Variants in KIRREL3 observed in about 807,000 individuals in gnomAD.
The protein encoded by KIRREL3 is kin of IRRE-like protein 3.
In KIRREL3, 36 loss-of-function variants were observed where a neutral mutation model predicts 89.7. The observed-to-expected ratio is 0.40, with a 90% CI of 0.31 to 0.53. The LOEUF (loss-of-function observed/expected upper bound fraction) is 0.53. Among genes scored for constraint, KIRREL3 ranks in the 20% least tolerant of loss-of-function variants. KIRREL3 has a pLI of 0.49. For synonymous variants in KIRREL3, 445 were observed against 441.4 expected (o/e 1.01, Z -0.10); for missense variants, 864 against 1,056.6 (o/e 0.82, Z 2.53).
Position 126,684,542 on chromosome 11 carries a change from G to A in KIRREL3, c.56-121630C>T, listed in dbSNP as rs1370761875. 1.3e-5 allele frequency among the ~76,000 whole-genome samples: 2 copies of A among 152,188 alleles called. No homozygotes were observed. The highest frequency in any genetic ancestry group is 1.9e-4 in the East Asian group (1 of 5,188). ...TGCTATGATTTCATCTGGCCGATGT[G>A]TCACTTCAGTATTCTGATGAATTTA... On this transcript the variant is annotated intron_variant, in intron 1 of 16. Coordinates refer to ENST00000525144, the MANE Select transcript of KIRREL3 (RefSeq NM_032531.4). This position sits in a 1 kb window ranked among gnomAD's most constrained non-coding sequence, Gnocchi z 4.2.
intron 7 of KIRREL3, among the ~76,000 whole-genome samples, chr11:126,451,349 T>A (rs111200437): frequency 1.2e-3 from 81 of 65,710 alleles, no homozygotes; most frequent in South Asian, 3.0e-3. Context: ...TGCATGTGTG[T>A]GCGTATGTGA....
rs1947101265 is a variant in KIRREL3 at position 126,696,477 on chromosome 11, C to T, written c.56-133565G>A. ...AGATACCACATGCAGCCTGCAAACT[C>T]CCACAGCTGTACGCAGGCATGTGGC... is the stretch of plus-strand genomic sequence containing the variant. On this transcript the variant is annotated intron_variant, in intron 1 of 16. Transcript: ENST00000525144. The surrounding 1 kb of genome is among the most constrained non-coding windows in gnomAD (Gnocchi z 4.4). Among the ~76,000 whole-genome samples the T allele has an allele frequency of 6.6e-6, 1 of 152,164 alleles. No homozygotes were observed. Among genetic ancestry groups the T allele is most frequent in the Admixed American group, 6.6e-5 (1 of 15,266 alleles).
chr11:126,436,535 G>T (rs896385420), intron 12 of KIRREL3, among the ~76,000 whole-genome samples: 1 of 152,246 alleles, frequency 6.6e-6, no homozygotes, highest in Non-Finnish European at 1.5e-5. Context: ...CACTGTTGTG[G>T]TCACCTCCCA....
At position 126,896,720 on chromosome 11, in the gene KIRREL3, G is replaced by T. The variant is rs1443515959; in HGVS notation, c.55+103735C>A. Among the ~76,000 whole-genome samples the T allele has an allele frequency of 6.6e-6, 1 of 152,056 alleles. No individual in the cohort carries two copies. The highest frequency in any genetic ancestry group is 1.5e-5 in the Non-Finnish European group (1 of 68,020). ...AGACACCCAGGGGAGGGGTTCCATG[G>T]CCACAGCAAGCTCTCTGGCAGCCTC... On this transcript the variant is annotated intron_variant, in intron 1 of 16. Coordinates refer to ENST00000525144, the MANE Select transcript of KIRREL3 (RefSeq NM_032531.4). The surrounding 1 kb of genome is among the most constrained non-coding windows in gnomAD (Gnocchi z 4.1).
intron 1 of KIRREL3, among the ~76,000 whole-genome samples, chr11:126,964,489 C>T (rs969794912): frequency 5.3e-5 from 8 of 152,098 alleles, no homozygotes; most frequent in African/African-American, 2.4e-5. Flanking sequence ...CCTCCTAGAA[C>T]CCCTCCTCCA....
chr11:126,613,778 C>T (rs1943225831), intron 1 of KIRREL3, among the ~76,000 whole-genome samples: 2 of 151,690 alleles, frequency 1.3e-5, no homozygotes, highest in South Asian at 4.2e-4. Flanking sequence ...AAAGTAGCTC[C>T]ATCACATTGG....
At chr11:126,759,064 T>C (rs1434551726) in intron 1 of KIRREL3, among the ~76,000 whole-genome samples, 1 of 152,200 alleles carries the variant, frequency 6.6e-6, no homozygotes, top group Non-Finnish European at 1.5e-5. Context: ...CATTTGACCC[T>C]TCTGCATACA....
intron 1 of KIRREL3, among the ~76,000 whole-genome samples, chr11:126,934,344 A>T (rs1948085882): frequency 6.6e-6 from 1 of 152,230 alleles, no homozygotes; most frequent in South Asian, 2.1e-4. Flanking sequence ...TGTAGAAGCT[A>T]AAACTACAAA....
chr11:126,970,917 G>T lies in KIRREL3; in HGVS notation c.55+29538C>A, dbSNP rs1949410583. On this transcript the variant is annotated intron_variant, in intron 1 of 16. Transcript: ENST00000525144. This position sits in a 1 kb window ranked among gnomAD's most constrained non-coding sequence, Gnocchi z 4.4. ...GGAGAACCACAAACAGAAGCACATG[G>T]CGGTGCTATGGCTTCTCCCCCACCC... Among the ~76,000 whole-genome samples, 1 of 152,180 alleles carries T rather than the reference G, an allele frequency of 6.6e-6. No homozygotes were observed. Among genetic ancestry groups the T allele is most frequent in the Non-Finnish European group, 1.5e-5 (1 of 68,028 alleles).
chr11:126,889,426 T>C (rs946860642), intron 1 of KIRREL3, among the ~76,000 whole-genome samples: 33 of 152,332 alleles, frequency 2.2e-4, no homozygotes, highest in African/African-American at 7.5e-4. Context: ...TGCTGAGGAA[T>C]ATCCCATTGT....
In KIRREL3 at chr11:126,424,006, A is replaced by C. The variant is rs994799514; in HGVS notation, c.*574T>G. ...ACAAATTGGGGGTGGGCTCCCGGCC[A>C]GCCTGGTGAGAGAGAGGCTCCTTTA... On this transcript the variant is annotated 3_prime_UTR_variant, in exon 17 of 17. Transcript: ENST00000525144. 3 of 158,322 alleles carry C rather than the reference A, an allele frequency of 1.9e-5. No homozygotes were observed. The highest frequency in any genetic ancestry group is 7.2e-5 in the African/African-American group (3 of 41,524). 9.8% of individuals were successfully genotyped at this position (158,322 alleles called of 1,614,324 possible).
chr11:126,437,048 A>G, intron 11 of KIRREL3, 39 bp from the exon 12 acceptor site: 1 of 1,474,860 alleles, frequency 6.8e-7, no homozygotes, highest in Non-Finnish European at 9.1e-7. Context: ...ACCCCACCAG[A>G]GGGGCCCAGG....
chr11:126,603,609 C>T (rs1591804882), intron 1 of KIRREL3, among the ~76,000 whole-genome samples: 1 of 152,272 alleles, frequency 6.6e-6, no homozygotes, highest in East Asian at 1.9e-4. Context: ...TGGGTCTTGG[C>T]CCCCTGAGCA....
Position 126,523,283 on chromosome 11 carries a change from G to C in KIRREL3, c.284-1819C>G, listed in dbSNP as rs1329421169. Among the ~76,000 whole-genome samples the C allele has an allele frequency of 6.6e-6, 1 of 152,150 alleles. No homozygotes were observed. Among genetic ancestry groups the C allele is most frequent in the Non-Finnish European group, 1.5e-5 (1 of 68,034 alleles). Reference sequence around the variant, plus strand: ...CTACACCGGGTGAAAGATCAGACTAGAGGAGCTTGAAGGCCCCTCTCACCA... The same window carrying C: ...CTACACCGGGTGAAAGATCAGACTACAGGAGCTTGAAGGCCCCTCTCACCA... On this transcript the variant is annotated intron_variant, in intron 3 of 16. Transcript: ENST00000525144. The surrounding 1 kb of genome is among the most constrained non-coding windows in gnomAD (Gnocchi z 4.9).
At chr11:126,735,386 T>C (rs1030875491) in intron 1 of KIRREL3, among the ~76,000 whole-genome samples, 1 of 152,166 alleles carries the variant, frequency 6.6e-6, no homozygotes, top group Non-Finnish European at 1.5e-5. Context: ...CATGACCAAC[T>C]GGGGAGACAG....
chr11:127,000,398 C>A lies in KIRREL3; in HGVS notation c.55+57G>T. On this transcript the variant is annotated intron_variant, in intron 1 of 16. Transcript: ENST00000525144. The surrounding 1 kb of genome is among the most constrained non-coding windows in gnomAD (Gnocchi z 7.1). ...TGCCCACGTTCCTGCCCACAGCCTC[C>A]CGCGCCCTGACAACCCAGCCGACTT... The A allele has an allele frequency of 6.7e-7, 1 of 1,493,862 alleles. No individual in the cohort carries two copies. Among genetic ancestry groups the A allele is most frequent in the Non-Finnish European group, 9.1e-7 (1 of 1,096,852 alleles). 92.5% of individuals were successfully genotyped at this position (1,493,862 alleles called of 1,614,324 possible).
rs1398557593 is a variant in KIRREL3 at position 126,515,876 on chromosome 11, T to C, written c.433+5439A>G. Among the ~76,000 whole-genome samples, 1 of 152,194 alleles carries C rather than the reference T, an allele frequency of 6.6e-6. No homozygotes were observed. Among genetic ancestry groups the C allele is most frequent in the Non-Finnish European group, 1.5e-5 (1 of 68,032 alleles). Reference sequence around the variant, plus strand: ...ATGGATGGGTTTCTTGCAACCAGTTTCTGGAAGAATGGTTTAGAAGCCAGC... The same window carrying C: ...ATGGATGGGTTTCTTGCAACCAGTTCCTGGAAGAATGGTTTAGAAGCCAGC... On this transcript the variant is annotated intron_variant, in intron 4 of 16. Coordinates refer to ENST00000525144, the MANE Select transcript of KIRREL3 (RefSeq NM_032531.4). The surrounding 1 kb of genome is among the most constrained non-coding windows in gnomAD (Gnocchi z 4.2).
intron 4 of KIRREL3, among the ~76,000 whole-genome samples, chr11:126,512,869 G>T (rs575454332): frequency 2.0e-5 from 3 of 152,144 alleles, no homozygotes; most frequent in Admixed American, 2.0e-4. Context: ...CAGTCAACCC[G>T]TGAAGTGGGT....
At position 126,561,562 on chromosome 11, in the gene KIRREL3, G is replaced by A. The variant is rs1352495902; in HGVS notation, c.133+1273C>T. ...CTTGTCAAGGCAGTGGTGTTGGGGAGGGAAGGGGAGGCTGAGAAAGAGAAA... is the reference window on the plus strand; with the variant it reads ...CTTGTCAAGGCAGTGGTGTTGGGGAAGGAAGGGGAGGCTGAGAAAGAGAAA... On this transcript the variant is annotated intron_variant, in intron 2 of 16. Transcript: ENST00000525144. The surrounding 1 kb of genome is among the most constrained non-coding windows in gnomAD (Gnocchi z 4.5). 6.6e-6 allele frequency among the ~76,000 whole-genome samples: 1 copy of A among 152,198 alleles called. No homozygotes were observed. Among genetic ancestry groups the A allele is most frequent in the Non-Finnish European group, 1.5e-5 (1 of 68,038 alleles).
Sources: allele counts gnomAD v4.1 joint callset (sites outside exome capture counted in the v4.1 genomes callset), GRCh38; gene constraint gnomAD v4.1.1; non-coding constraint Gnocchi (gnomAD v3.1); transcripts MANE v1.5; gene names NCBI Gene and HGNC (gene_info 2026-07-23, HGNC 2026-07-21).